Variants in EML6 observed in about 807,000 individuals in gnomAD.
The protein encoded by EML6 is EMAP like 6.
A neutral mutation model predicts 240.1 loss-of-function variants in EML6; 154 were observed. The ratio of observed to expected loss-of-function variants is 0.64; its 90% CI spans 0.56 to 0.73. EML6 has a LOEUF of 0.73. Ranked by LOEUF, EML6 falls within the 30% of genes least tolerant of loss-of-function variation. The probability of loss-of-function intolerance (pLI) is 0.00; values close to 1 mark genes in which losing one functional copy is unlikely to be tolerated. For synonymous variants in EML6, 1,148 were observed against 899.0 expected (o/e 1.28, Z -4.95); for missense variants, 2,964 against 2,474.6 (o/e 1.20, Z -4.20).
intron 25 of EML6, among the ~76,000 whole-genome samples, chr2:54,914,655 T>C (rs1323352068): frequency 6.6e-6 from 1 of 152,222 alleles, no homozygotes; most frequent in African/African-American, 2.4e-5. Flanking sequence ...CAACTGATGC[T>C]TTCTTGGCCA....
Position 54,745,300 on chromosome 2 carries a change from A to G in EML6, c.197+20042A>G, listed in dbSNP as rs1572849100. 3.3e-5 allele frequency among the ~76,000 whole-genome samples: 5 copies of G among 152,206 alleles called. No individual in the cohort carries two copies. In the East Asian group the frequency reaches 9.6e-4, roughly 29 times the overall value. On this transcript the variant is annotated intron_variant, in intron 2 of 41. Coordinates refer to ENST00000356458, the MANE Select transcript of EML6 (RefSeq NM_001039753.4). Reference sequence around the variant, plus strand: ...GGAACAGGTTGGCAGTCTTGACTGCAGGTCTGATCTTCAGGAAGGTGGTTG... The same window carrying G: ...GGAACAGGTTGGCAGTCTTGACTGCGGGTCTGATCTTCAGGAAGGTGGTTG...
chr2:54,786,458 G>T (rs1669094865), intron 2 of EML6, among the ~76,000 whole-genome samples: 1 of 152,188 alleles, frequency 6.6e-6, no homozygotes. Context: ...GGAGAACAGT[G>T]CTCAGCCACA....
intron 2 of EML6, among the ~76,000 whole-genome samples, chr2:54,777,950 C>G (rs1327528835): frequency 3.3e-5 from 5 of 152,090 alleles, no homozygotes; most frequent in Admixed American, 1.3e-4. Flanking sequence ...ACCACTGGTT[C>G]TATTTTAAAA....
In EML6 at chr2:54,919,854, G is replaced by A. The variant is rs536676539; in HGVS notation, c.3675+2919G>A. On this transcript the variant is annotated intron_variant, in intron 26 of 41. Transcript: ENST00000356458. Reference sequence around the variant, plus strand: ...CAGGGAGGTATATCTCAGGTGGGAAGGAAGGAACCAGTGCAAAAGCTCTGG... The same window carrying A: ...CAGGGAGGTATATCTCAGGTGGGAAAGAAGGAACCAGTGCAAAAGCTCTGG... Among the ~76,000 whole-genome samples, 109 of 152,294 alleles carry A rather than the reference G, an allele frequency of 7.2e-4. 1 individual carries two copies. The highest frequency in any genetic ancestry group is 1.1e-3 in the Non-Finnish European group (76 of 68,022).
chr2:54,882,458 T>A (rs1671867774), intron 17 of EML6: 1 of 152,112 alleles, frequency 6.6e-6, no homozygotes, highest in Non-Finnish European at 1.5e-5. Flanking sequence ...CTTGTGTTAC[T>A]CTGGTAGTGT....
chr2:54,739,534 C>T (rs1408720245), intron 2 of EML6, among the ~76,000 whole-genome samples: 1 of 152,242 alleles, frequency 6.6e-6, no homozygotes. Flanking sequence ...ACAAAGATTT[C>T]TTGAGTGCCT....
rs75969496 is a variant in EML6, at chr2:54,943,113, C to G, written c.4005-5769C>G. Among the ~76,000 whole-genome samples, 6 of 152,314 alleles carry G rather than the reference C, an allele frequency of 3.9e-5. No homozygotes were observed. The East Asian group carries it at 1.2e-3, about 29-fold the overall frequency. ...TCTCTGCTGCTTCTCAGCAGTCATCCAGGTTTCAACTCAACCTCCTGCCCC... is the reference window on the plus strand; with the variant it reads ...TCTCTGCTGCTTCTCAGCAGTCATCGAGGTTTCAACTCAACCTCCTGCCCC... On this transcript the variant is annotated intron_variant, in intron 28 of 41. Coordinates refer to ENST00000356458, the MANE Select transcript of EML6 (RefSeq NM_001039753.4).
chr2:54,871,691 G>A (rs1407052298), intron 16 of EML6, 86 bp downstream of exon 16: 12 of 932,166 alleles, frequency 1.3e-5, no homozygotes, highest in East Asian at 7.9e-5. Flanking sequence ...GCGCGCACGC[G>A]TGTGTGTGTA....
intron 17 of EML6, chr2:54,880,386 C>T (rs1179828799): frequency 1.3e-5 from 2 of 152,218 alleles, no homozygotes; most frequent in Non-Finnish European, 2.9e-5. Flanking sequence ...TCCTTTCTGT[C>T]TTGCGATATA....
intron 11 of EML6, among the ~76,000 whole-genome samples, chr2:54,856,503 A>G (rs1267208522): frequency 6.6e-6 from 1 of 152,216 alleles, no homozygotes; most frequent in Admixed American, 6.5e-5. Flanking sequence ...GACAGCTTGA[A>G]CAGCCACCTC....
At chr2:54,869,993 G>A (rs573598442) in intron 15 of EML6, among the ~76,000 whole-genome samples, 1 of 152,200 alleles carries the variant, frequency 6.6e-6, no homozygotes, top group South Asian at 2.1e-4. Context: ...TGGCAAAAGA[G>A]TAATATTGTC....
chr2:54,751,724 G>A (rs1684173385), intron 2 of EML6, among the ~76,000 whole-genome samples: 7 of 152,124 alleles, frequency 4.6e-5, no homozygotes, highest in Admixed American at 4.6e-4. Context: ...GCACACAGTA[G>A]CCTAAAAGTT....
intron 2 of EML6, among the ~76,000 whole-genome samples, chr2:54,784,994 C>G (rs1309837083): frequency 6.6e-6 from 1 of 152,120 alleles, no homozygotes; most frequent in Non-Finnish European, 1.5e-5. Context: ...AAGCAATTCA[C>G]CATTTTCTTG....
chr2:54,871,102 A>G (rs550876347), intron 15 of EML6, among the ~76,000 whole-genome samples: 1 of 152,276 alleles, frequency 6.6e-6, no homozygotes, highest in Admixed American at 6.5e-5. Context: ...GTAACTGAGA[A>G]TGGGTAAAAT....
intron 28 of EML6, among the ~76,000 whole-genome samples, chr2:54,929,716 TC>T (rs556290655): frequency 0.07 from 10,586 of 151,886 alleles, 626 homozygotes; most frequent in South Asian, 0.2. Flanking sequence ...CTCCTCCTCC[TC>T]CTCCTCCTCC....
At chr2:54,764,590 TC>T (rs36053207) in intron 2 of EML6, among the ~76,000 whole-genome samples, 1 of 152,188 alleles carries the variant, frequency 6.6e-6, no homozygotes, top group African/African-American at 2.4e-5. Flanking sequence ...TAATGTGAAA[TC>T]CCCCTGCTTT....
chr2:54,942,684 C>T (rs1426903697), intron 28 of EML6, among the ~76,000 whole-genome samples: 3 of 152,182 alleles, frequency 2.0e-5, no homozygotes, highest in African/African-American at 4.8e-5. Context: ...AACTTCCTGT[C>T]TCTGAGCAAT....
intron 2 of EML6, among the ~76,000 whole-genome samples, chr2:54,811,613 C>G (rs1460477665): frequency 6.6e-6 from 1 of 152,240 alleles, no homozygotes; most frequent in Admixed American, 6.5e-5. Context: ...TGGTACTGTC[C>G]CTGACATATC....
chr2:54,871,637 A>G (rs1196904195), intron 16 of EML6, 32 bp downstream of exon 16: 3 of 1,440,572 alleles, frequency 2.1e-6, no homozygotes, highest in South Asian at 2.4e-5. Context: ...ACATGGTTCT[A>G]CGTTGAGAGA....
Sources: gnomAD v4.1 joint callset for allele counts (sites outside exome capture counted in the v4.1 genomes callset) on GRCh38, gnomAD v4.1.1 for gene constraint, MANE v1.5 for transcripts, NCBI Gene and HGNC (gene_info 2026-07-23, HGNC 2026-07-21) for gene names.